Variants in GDPD1 observed in about 807,000 individuals in gnomAD.
GDPD1 encodes the protein glycerophosphodiester phosphodiesterase domain containing 1, also known as lysophospholipase D GDPD1.
A neutral mutation model predicts 45.1 loss-of-function variants in GDPD1; 28 were observed. The observed-to-expected ratio is 0.62, with a 90% CI of 0.46 to 0.85. The LOEUF (loss-of-function observed/expected upper bound fraction) is 0.85. GDPD1 is among the 40% of genes least tolerant of loss of function. The pLI, the probability that GDPD1 is intolerant of heterozygous loss-of-function variation, is 0.00. For synonymous variants in GDPD1, 139 were observed against 131.4 expected (o/e 1.06, Z -0.40); for missense variants, 256 against 364.8 (o/e 0.70, Z 2.43).
intron 6 of GDPD1, among the ~76,000 whole-genome samples, chr17:59,259,154 G>A (rs1484823723): frequency 3.3e-5 from 5 of 151,388 alleles, no homozygotes; most frequent in African/African-American, 1.2e-4. Flanking sequence ...AAAATCCTGG[G>A]CACAGTGGCT....
At chr17:59,257,662 T>C in intron 5 of GDPD1, 89 bp from the exon 6 acceptor site, 1 of 790,308 alleles carries the variant, frequency 1.3e-6, no homozygotes, top group Non-Finnish European at 2.2e-6. Context: ...CATTCACAGA[T>C]AGTCAATTCT....
chr17:59,245,593 G>A (rs9912727), intron 3 of GDPD1, 44 bp downstream of exon 3: 44,521 of 1,472,428 alleles, frequency 0.03, 2,763 homozygotes, highest in African/African-American at 0.22. Flanking sequence ...TAGATGTCGC[G>A]GCCTATAAGA....
At chr17:59,261,702 T>A (rs1352012846) in intron 6 of GDPD1, among the ~76,000 whole-genome samples, 1 of 151,688 alleles carries the variant, frequency 6.6e-6, no homozygotes, top group Non-Finnish European at 1.5e-5. Flanking sequence ...TCTCACTTTG[T>A]TGCCCAGGTT....
At chr17:59,256,478 T>C (rs1423478426) in intron 4 of GDPD1, among the ~76,000 whole-genome samples, 1 of 152,250 alleles carries the variant, frequency 6.6e-6, no homozygotes, top group Non-Finnish European at 1.5e-5. Flanking sequence ...TGATTTAGTG[T>C]ATACTTCCCT....
chr17:59,251,906 GC>G (rs1336825511), intron 4 of GDPD1, among the ~76,000 whole-genome samples: 5 of 149,274 alleles, frequency 3.3e-5, no homozygotes, highest in African/African-American at 1.2e-4. Flanking sequence ...ACCTAGGGAG[GC>G]TGAGGTGGGG....
intron 7 of GDPD1, among the ~76,000 whole-genome samples, chr17:59,269,464 G>A (rs960086535): frequency 1.4e-5 from 2 of 146,914 alleles, no homozygotes; most frequent in Non-Finnish European, 3.0e-5. Flanking sequence ...AATAGAAAAC[G>A]CTTCTTGTCT....
chr17:59,223,861 A>C (rs1003430423), intron 1 of GDPD1, among the ~76,000 whole-genome samples: 5 of 152,182 alleles, frequency 3.3e-5, no homozygotes, highest in Non-Finnish European at 7.3e-5. Context: ...CAGTGAGCCG[A>C]GATGGTGCCA....
Position 59,223,073 on chromosome 17 carries a change from T to C in GDPD1, c.142+2322T>C, listed in dbSNP as rs542084808. On this transcript the variant is annotated intron_variant, in intron 1 of 9. Coordinates refer to ENST00000284116, the MANE Select transcript of GDPD1 (RefSeq NM_182569.4). ...CCAGCACTCCATAGGCGTTAAAGACTGTGTGCTAGATTATCACAACAAGTA... is the reference window on the plus strand; with the variant it reads ...CCAGCACTCCATAGGCGTTAAAGACCGTGTGCTAGATTATCACAACAAGTA... Among the ~76,000 whole-genome samples, 6 of 152,312 alleles carry C rather than the reference T, an allele frequency of 3.9e-5. No individual in the cohort carries two copies. The East Asian group carries it at 1.2e-3, about 29-fold the overall frequency.
rs56936442 is a variant in GDPD1, at chr17:59,260,060, CAAAAAAAAAAAAAAAAAAAAAAA to C, written c.576+2238_576+2260del. On this transcript the variant is annotated intron_variant, in intron 6 of 9. Transcript: ENST00000284116. ...TGGGTGACGGAGCCAGACCCTGTCT[CAAAAAAAAAAAAAAAAAAAAAAA>C]AAAAAAAAAAAAAAAAATCCTATTA... is the stretch of plus-strand genomic sequence containing the variant. Among the ~76,000 whole-genome samples, 38 of 25,852 alleles carry C rather than the reference CAAAAAAAAAAAAAAAAAAAAAAA, an allele frequency of 1.5e-3. 1 individual carries two copies. Among genetic ancestry groups the C allele is most frequent in the East Asian group, 4.5e-3 (3 of 674 alleles). The allele number at this position is 25,852 out of a possible 152,430, so 17.0% of individuals were successfully genotyped here. A position where few individuals can be genotyped will look rare whatever the true frequency, so the allele number is the denominator to read the frequency against.
intron 2 of GDPD1, among the ~76,000 whole-genome samples, chr17:59,238,327 G>C (rs1374118162): frequency 6.6e-6 from 1 of 150,598 alleles, no homozygotes. Flanking sequence ...GTCTCACAAT[G>C]TATGAAATAT....
At chr17:59,269,463 C>T (rs923098611) in intron 7 of GDPD1, among the ~76,000 whole-genome samples, 4 of 147,604 alleles carry the variant, frequency 2.7e-5, no homozygotes, top group Admixed American at 1.4e-4. Context: ...CAATAGAAAA[C>T]GCTTCTTGTC....
At chr17:59,242,447 A>G (rs892200007) in intron 2 of GDPD1, among the ~76,000 whole-genome samples, 5 of 152,204 alleles carry the variant, frequency 3.3e-5, no homozygotes, top group African/African-American at 9.6e-5. Context: ...CAAATAATCT[A>G]TGTGAAGTAA....
chr17:59,271,456 G>A (rs2047443316), intron 8 of GDPD1, among the ~76,000 whole-genome samples: 1 of 152,048 alleles, frequency 6.6e-6, no homozygotes, highest in South Asian at 2.1e-4. Context: ...CAACTTTAAA[G>A]TAAATGCCTT....
chr17:59,235,581 G>A (rs2047125267), intron 2 of GDPD1, among the ~76,000 whole-genome samples: 1 of 152,070 alleles, frequency 6.6e-6, no homozygotes, highest in South Asian at 2.1e-4. Context: ...GGAGGCCAAG[G>A]CGAGGCAGGT....
chr17:59,251,815 G>A (rs2047256365), intron 4 of GDPD1, among the ~76,000 whole-genome samples: 1 of 151,138 alleles, frequency 6.6e-6, no homozygotes, highest in Non-Finnish European at 1.5e-5. Context: ...AGACCAGCCT[G>A]GGCCACATAC....
intron 2 of GDPD1, among the ~76,000 whole-genome samples, chr17:59,237,350 G>T (rs1326725502): frequency 1.3e-5 from 2 of 152,152 alleles, no homozygotes; most frequent in Non-Finnish European, 2.9e-5. Context: ...ACAGTGAGCC[G>T]AGATGGCACC....
intron 6 of GDPD1, among the ~76,000 whole-genome samples, chr17:59,260,445 G>A (rs950326713): frequency 2.0e-5 from 3 of 152,042 alleles, no homozygotes; most frequent in Non-Finnish European, 4.4e-5. Flanking sequence ...AGGAGGCTGA[G>A]GCAGGAGAAT....
Position 59,275,148 on chromosome 17 carries a change from AGAAATTTT to A in GDPD1, c.*1379_*1386del, listed in dbSNP as rs1227237314. The A allele has an allele frequency of 6.5e-7, 1 of 1,537,056 alleles. No individual in the cohort carries two copies. The highest frequency in any genetic ancestry group is 8.7e-7 in the Non-Finnish European group (1 of 1,146,698). ...TGAACCACTGCACCCGGCCAGTAAA[AGAAATTTT>A]GAAGGCCATTGCAGCTATTTGGTAG... On this transcript the variant is annotated 3_prime_UTR_variant, in exon 10 of 10. Transcript: ENST00000284116.
chr17:59,242,819 G>C (rs1465938406), intron 2 of GDPD1, among the ~76,000 whole-genome samples: 1 of 152,136 alleles, frequency 6.6e-6, no homozygotes, highest in Non-Finnish European at 1.5e-5. Flanking sequence ...AGCTGAAGAG[G>C]CCAGGCCCCT....
Sources: allele counts gnomAD v4.1 joint callset (sites outside exome capture counted in the v4.1 genomes callset), GRCh38; gene constraint gnomAD v4.1.1; transcripts MANE v1.5; gene names NCBI Gene and HGNC (gene_info 2026-07-23, HGNC 2026-07-21).